The following TG variants were observed in gnomAD, a reference collection of about 807,000 sequenced individuals.
TG encodes the protein thyroglobulin, also known as thyroid hormones.
In TG, 270 loss-of-function variants were observed where a neutral mutation model predicts 324.7. The observed-to-expected ratio is 0.83, with a 90% CI of 0.75 to 0.92. The LOEUF (loss-of-function observed/expected upper bound fraction) is 0.92. Ranked by LOEUF, TG falls within the 40% of genes least tolerant of loss-of-function variation. The pLI is 0.00. For missense variants in TG, 3,591 were observed against 3,456.4 expected (o/e 1.04, Z -0.98); for synonymous variants, 1,401 against 1,327.0 (o/e 1.06, Z -1.21).
intron 43 of TG, among the ~76,000 whole-genome samples, chr8:133,109,210 G>A (rs1850069556): frequency 6.6e-6 from 1 of 152,190 alleles, no homozygotes; most frequent in African/African-American, 2.4e-5. Context: ...ATTGCTGACT[G>A]TGAAGTTCCC....
intron 45 of TG, among the ~76,000 whole-genome samples, chr8:133,125,127 T>A (rs1851420136): frequency 6.6e-6 from 1 of 152,240 alleles, no homozygotes; most frequent in Non-Finnish European, 1.5e-5. Context: ...CCGTCTATGC[T>A]GCAGATCCCC....
chr8:132,983,542 A>C, intron 35 of TG, 130 bp downstream of exon 35: 1 of 935,990 alleles, frequency 1.1e-6, no homozygotes, highest in Non-Finnish European at 1.8e-6. Context: ...AGCTCCTATG[A>C]ATTAAACACA....
At chr8:132,954,809 G>A (rs180670624) in intron 27 of TG, among the ~76,000 whole-genome samples, 1 of 152,170 alleles carries the variant, frequency 6.6e-6, no homozygotes, top group Non-Finnish European at 1.5e-5. Context: ...CTTCCTCAAG[G>A]TTATTCAGCT....
At chr8:133,037,573 T>C (rs1310970835) in intron 41 of TG, 1 of 152,172 alleles carries the variant, frequency 6.6e-6, no homozygotes, top group Non-Finnish European at 1.5e-5. Flanking sequence ...TTTTACACAT[T>C]TGTTTATACA....
Position 132,935,811 on chromosome 8 carries a change from A to G in TG, c.4988A>G (p.Gln1663Arg). The G allele has an allele frequency of 6.2e-7, 1 of 1,612,908 alleles. No individual in the cohort carries two copies. The highest frequency in any genetic ancestry group is 8.5e-7 in the Non-Finnish European group (1 of 1,180,030). The part of the protein sequence containing the change: ...KATSFGSLRC[Q>R]VKVRSHGQDS... ...ACCAGCTTTGGAAGTCTTCGCTGCC[A>G]GGTGAAAGTGAGGAGCCATGGTCAA... The change falls in exon 25 of 48, where the codon CAG becomes CGG. Residue 1663 changes from glutamine (Q) to arginine (R), a missense_variant. Transcript: ENST00000220616.
intron 45 of TG, 134 bp from the exon 46 acceptor site, chr8:133,131,678 A>G (rs1367870587): frequency 1.5e-6 from 2 of 1,339,802 alleles, no homozygotes; most frequent in African/African-American, 1.5e-5. Flanking sequence ...TGGGCCCTAA[A>G]CAGGATACTT....
In TG at chr8:133,050,585, C is replaced by A. The variant is rs1046466579; in HGVS notation, c.7239+20562C>A. 12 of 454,318 alleles carry A rather than the reference C, an allele frequency of 2.6e-5. No homozygotes were observed. In the South Asian group the frequency reaches 3.0e-4, roughly 11 times the overall value. The allele number at this position is 454,318 out of a possible 1,614,324, so 28.1% of individuals were successfully genotyped here. A position where few individuals can be genotyped will look rare whatever the true frequency, so the allele number is the denominator to read the frequency against. On this transcript the variant is annotated intron_variant, in intron 41 of 47. Transcript: ENST00000220616. ...GCTGGATCATAAAGGATCTCAAAAG[C>A]CAAGTTAAGGAATTTAAATTTGATC...
At position 133,057,922 on chromosome 8, in the gene TG, C is replaced by T. The variant is rs928174180; in HGVS notation, c.7239+27899C>T. Among the ~76,000 whole-genome samples the T allele has an allele frequency of 5.8e-4, 88 of 152,138 alleles. 1 individual carries two copies. Among genetic ancestry groups the T allele is most frequent in the African/African-American group, 1.9e-3 (80 of 41,416 alleles). ...CTGGCCTCTGGGTGATCCTTGTGCA[C>T]GGCCAGGGTCTGTGGAGGGTCTGTG... is the stretch of plus-strand genomic sequence containing the variant. On this transcript the variant is annotated intron_variant, in intron 41 of 47. Coordinates refer to ENST00000220616, the MANE Select transcript of TG (RefSeq NM_003235.5).
chr8:133,085,115 C>A (rs1223260856), intron 41 of TG, among the ~76,000 whole-genome samples: 1 of 152,222 alleles, frequency 6.6e-6, no homozygotes, highest in African/African-American at 2.4e-5. Flanking sequence ...CTTCTCTTTC[C>A]TCCGTGTGTA....
intron 41 of TG, chr8:133,060,454 A>G: frequency 8.1e-7 from 1 of 1,229,480 alleles, no homozygotes; most frequent in Non-Finnish European, 1.1e-6. Flanking sequence ...AAAAGTTTCC[A>G]TTCCTCCGCA....
At chr8:132,960,259 A>C (rs1324532480) in intron 27 of TG, among the ~76,000 whole-genome samples, 2 of 152,238 alleles carry the variant, frequency 1.3e-5, no homozygotes, top group Admixed American at 1.3e-4. Context: ...ATAATTAAAA[A>C]CAAAATTTGA....
At chr8:132,885,873 G>A (rs540028377) in intron 8 of TG, among the ~76,000 whole-genome samples, 1 of 152,272 alleles carries the variant, frequency 6.6e-6, no homozygotes, top group Admixed American at 6.5e-5. Flanking sequence ...GCAATCCCTG[G>A]TGTCTTTGGC....
intron 21 of TG, among the ~76,000 whole-genome samples, chr8:132,921,799 T>G (rs1821148007): frequency 1.3e-5 from 2 of 152,234 alleles, no homozygotes; most frequent in African/African-American, 4.8e-5. Context: ...TTAACTCATG[T>G]ATAGCATGCA....
At chr8:133,030,961 G>A (rs1029737576) in intron 41 of TG, among the ~76,000 whole-genome samples, 3 of 152,238 alleles carry the variant, frequency 2.0e-5, no homozygotes, top group African/African-American at 7.2e-5. Flanking sequence ...AGCCTTCAGA[G>A]TGGTTTTGAT....
intron 35 of TG, among the ~76,000 whole-genome samples, chr8:132,984,888 G>C (rs552659683): frequency 4.2e-4 from 64 of 151,720 alleles, no homozygotes; most frequent in African/African-American, 1.5e-3. Context: ...GTTGCAGTGA[G>C]CTGAGATCAC....
chr8:133,059,148 C>T (rs780644762), intron 41 of TG: 51 of 456,278 alleles, frequency 1.1e-4, no homozygotes, highest in South Asian at 7.6e-4. Context: ...GAACTCCGCC[C>T]AGGGCGGTGC....
intron 26 of TG, among the ~76,000 whole-genome samples, chr8:132,942,009 A>G (rs1824518961): frequency 1.3e-5 from 2 of 152,146 alleles, no homozygotes; most frequent in South Asian, 2.1e-4. Flanking sequence ...ACAATGATCT[A>G]TTGAGTGCCC....
At chr8:133,100,532 A>G (rs1849078116) in intron 43 of TG, among the ~76,000 whole-genome samples, 3 of 152,182 alleles carry the variant, frequency 2.0e-5, no homozygotes, top group Non-Finnish European at 4.4e-5. Context: ...CTGGGCCCTA[A>G]CCTGGAAGTC....
intron 5 of TG, among the ~76,000 whole-genome samples, chr8:132,879,522 T>G: frequency 6.6e-6 from 1 of 152,268 alleles, no homozygotes; most frequent in South Asian, 2.1e-4. Context: ...TGTGATTATT[T>G]TATGAATAGT....
Sources: allele counts gnomAD v4.1 joint callset (sites outside exome capture counted in the v4.1 genomes callset), GRCh38; gene constraint gnomAD v4.1.1; transcripts MANE v1.5; gene names NCBI Gene and HGNC (gene_info 2026-07-23, HGNC 2026-07-21).